The following TMEM117 variants were observed in gnomAD, a reference collection of about 807,000 sequenced individuals.
TMEM117 encodes the protein transmembrane protein 117.
A neutral mutation model predicts 52.4 loss-of-function variants in TMEM117; 27 were observed. The observed-to-expected ratio is 0.51, with a 90% CI of 0.38 to 0.71. The LOEUF is 0.71. Among genes scored for constraint, TMEM117 ranks in the 30% least tolerant of loss-of-function variants. The pLI, the probability that TMEM117 is intolerant of heterozygous loss-of-function variation, is 0.00. For synonymous variants in TMEM117, 215 were observed against 206.3 expected (o/e 1.04, Z -0.36); for missense variants, 556 against 630.5 (o/e 0.88, Z 1.26).
intron 5 of TMEM117, among the ~76,000 whole-genome samples, chr12:44,297,387 C>A (rs1950782142): frequency 6.6e-6 from 1 of 152,164 alleles, no homozygotes; most frequent in Admixed American, 6.5e-5. Context: ...AGAATAGACA[C>A]TGGCTATAGA....
chr12:43,872,812 C>A (rs1196171327), intron 2 of TMEM117, among the ~76,000 whole-genome samples: 1 of 152,142 alleles, frequency 6.6e-6, no homozygotes, highest in Non-Finnish European at 1.5e-5. Context: ...ATTCTTAATA[C>A]CTTAATAGCA....
In TMEM117 at chr12:44,083,276, A is replaced by C. The variant is rs1484237005; in HGVS notation, c.411-60249A>C. Among the ~76,000 whole-genome samples, 3 of 152,218 alleles carry C rather than the reference A, an allele frequency of 2.0e-5. No homozygotes were observed. In the East Asian group the frequency reaches 5.8e-4, roughly 29 times the overall value. ...GTTCAGTAACATAAATAACATACTAAATTATCATATAATGACAAACTGTTT... is the reference window on the plus strand; with the variant it reads ...GTTCAGTAACATAAATAACATACTACATTATCATATAATGACAAACTGTTT... On this transcript the variant is annotated intron_variant, in intron 3 of 7. Transcript: ENST00000266534.
At chr12:44,045,797 C>T (rs1251517685) in intron 3 of TMEM117, among the ~76,000 whole-genome samples, 5 of 152,136 alleles carry the variant, frequency 3.3e-5, no homozygotes, top group South Asian at 4.1e-4. Context: ...GAGCCGAGAT[C>T]GTGCCTCTGC....
intron 3 of TMEM117, among the ~76,000 whole-genome samples, chr12:44,107,688 A>G (rs909136216): frequency 6.6e-6 from 1 of 152,180 alleles, no homozygotes; most frequent in Non-Finnish European, 1.5e-5. Context: ...GCCTCCAATT[A>G]TGAATTTACA....
Position 43,980,680 on chromosome 12 carries a change from C to T in TMEM117, c.410+36338C>T, listed in dbSNP as rs535515745. Among the ~76,000 whole-genome samples, 22 of 152,204 alleles carry T rather than the reference C, an allele frequency of 1.4e-4. No individual in the cohort carries two copies. The South Asian group carries it at 3.7e-3, about 26-fold the overall frequency. On this transcript the variant is annotated intron_variant, in intron 3 of 7. Transcript: ENST00000266534. ...TCCATTGTGATCTGTTGCAGTATTC[C>T]TCACATGGGGTACCACCTGCCAAGT...
chr12:43,980,513 C>A (rs547788614), intron 3 of TMEM117, among the ~76,000 whole-genome samples: 1 of 152,166 alleles, frequency 6.6e-6, no homozygotes, highest in East Asian at 1.9e-4. Context: ...CTTTTATATA[C>A]TGTTGCTCTT....
rs1368741063 is a variant in TMEM117, at chr12:44,343,648, G to A, written c.769-32947G>A. Among the ~76,000 whole-genome samples the A allele has an allele frequency of 5.3e-5, 8 of 151,952 alleles. No individual in the cohort carries two copies. In the East Asian group the frequency reaches 1.5e-3, roughly 29 times the overall value. On this transcript the variant is annotated intron_variant, in intron 6 of 7. Transcript: ENST00000266534. ...GGTTGTAGAGATAGATGGTAATCAGGTTGACCAAAATTTAAATGTCCTCAA... is the reference window on the plus strand; with the variant it reads ...GGTTGTAGAGATAGATGGTAATCAGATTGACCAAAATTTAAATGTCCTCAA...
chr12:44,003,903 C>T (rs1387925749), intron 3 of TMEM117, among the ~76,000 whole-genome samples: 2 of 152,168 alleles, frequency 1.3e-5, no homozygotes, highest in Admixed American at 6.5e-5. Context: ...CCCTGGGGGA[C>T]TGTGTCAGAG....
the TMEM117 span, among the ~76,000 whole-genome samples, chr12:44,397,573 T>C: frequency 2.6e-5 from 4 of 152,244 alleles, no homozygotes; most frequent in South Asian, 2.1e-4. Flanking sequence ...ATTATAGCTG[T>C]ACTTTTATAA....
the TMEM117 span, among the ~76,000 whole-genome samples, chr12:43,813,866 C>CT: frequency 1.3e-5 from 2 of 152,002 alleles, no homozygotes; most frequent in Non-Finnish European, 2.9e-5. Flanking sequence ...TCCTCCCTTC[C>CT]TTTTTTTCCC....
chr12:43,917,218 G>A (rs1297305934), intron 2 of TMEM117, among the ~76,000 whole-genome samples: 2 of 118,162 alleles, frequency 1.7e-5, no homozygotes, highest in African/African-American at 6.6e-5. Context: ...GATAGTGAGA[G>A]CCTCATCTCT....
intron 6 of TMEM117, among the ~76,000 whole-genome samples, chr12:44,372,283 C>T (rs138130125): frequency 6.6e-5 from 10 of 152,272 alleles, no homozygotes; most frequent in Non-Finnish European, 1.5e-4. Context: ...CCTCTTGCCT[C>T]GTCATTCCCT....
intron 2 of TMEM117, among the ~76,000 whole-genome samples, chr12:43,926,816 A>G (rs1002953538): frequency 3.3e-5 from 5 of 151,982 alleles, no homozygotes; most frequent in Non-Finnish European, 7.4e-5. Flanking sequence ...TTATTACCTT[A>G]TCTCTTTTTT....
intron 5 of TMEM117, among the ~76,000 whole-genome samples, chr12:44,243,544 G>A (rs1950090676): frequency 6.6e-6 from 1 of 151,752 alleles, no homozygotes; most frequent in African/African-American, 2.4e-5. Context: ...ACAATGTGGT[G>A]CTATGATACA....
chr12:44,142,223 G>T (rs1171473623), intron 3 of TMEM117, among the ~76,000 whole-genome samples: 2 of 152,078 alleles, frequency 1.3e-5, no homozygotes, highest in Non-Finnish European at 2.9e-5. Context: ...ACTATCTTTG[G>T]CACCTTATAA....
At chr12:43,800,477 A>T in the TMEM117 span, 5 of 1,613,822 alleles carry the variant, frequency 3.1e-6, no homozygotes, top group Non-Finnish European at 4.2e-6. Flanking sequence ...GGCCACCTCC[A>T]AATTCCTTCT....
chr12:44,263,170 G>A (rs567241434), intron 5 of TMEM117, among the ~76,000 whole-genome samples: 7 of 152,084 alleles, frequency 4.6e-5, no homozygotes, highest in African/African-American at 1.7e-4. Flanking sequence ...AAATTCTGTT[G>A]CTTTTATCTA....
At chr12:43,953,534 A>C (rs1945258510) in intron 3 of TMEM117, among the ~76,000 whole-genome samples, 2 of 152,322 alleles carry the variant, frequency 1.3e-5, no homozygotes, top group South Asian at 4.1e-4. Context: ...TAAAGCAACA[A>C]AGGTCAAAAA....
At chr12:44,000,828 C>A (rs1946105522) in intron 3 of TMEM117, among the ~76,000 whole-genome samples, 1 of 152,098 alleles carries the variant, frequency 6.6e-6, no homozygotes, top group Non-Finnish European at 1.5e-5. Context: ...TTGCAGAGGG[C>A]CAACAGGTAG....
Sources: gnomAD v4.1 joint callset for allele counts (sites outside exome capture counted in the v4.1 genomes callset) on GRCh38, gnomAD v4.1.1 for gene constraint, MANE v1.5 for transcripts, NCBI Gene and HGNC (gene_info 2026-07-23, HGNC 2026-07-21) for gene names.